PTPRN2: variants seen among roughly 807,000 people sequenced by gnomAD.
PTPRN2 encodes receptor-type tyrosine-protein phosphatase N2.
In PTPRN2, 74 loss-of-function variants were observed where a neutral mutation model predicts 118.8. The observed-to-expected ratio is 0.62, with a 90% CI of 0.52 to 0.76. The LOEUF is 0.76. Ranked by LOEUF, PTPRN2 falls within the 30% of genes least tolerant of loss-of-function variation. The pLI, the probability that PTPRN2 is intolerant of heterozygous loss-of-function variation, is 0.00. For synonymous variants in PTPRN2, 641 were observed against 608.0 expected (o/e 1.05, Z -0.80); for missense variants, 1,481 against 1,394.4 (o/e 1.06, Z -0.99).
intron 3 of PTPRN2, among the ~76,000 whole-genome samples, chr7:158,273,409 CGCAG>C (rs1563072495): frequency 7.3e-6 from 1 of 137,448 alleles, no homozygotes; most frequent in Non-Finnish European, 1.6e-5. Context: ...CGGGAGGAGC[CGCAG>C]ACAGACGCGG....
chr7:158,133,591 G>T, intron 9 of PTPRN2, 86 bp downstream of exon 9: 1 of 1,486,644 alleles, frequency 6.7e-7, no homozygotes, highest in South Asian at 1.4e-5. Flanking sequence ...GTATGCATCC[G>T]CCACAGCAAG....
At chr7:158,377,739 C>G (rs75366508) in intron 2 of PTPRN2, among the ~76,000 whole-genome samples, 11,241 of 152,292 alleles carry the variant, frequency 0.074, 507 homozygotes, top group East Asian at 0.19. Context: ...ATGTCCGCAG[C>G]TGGAGAGCTG....
intron 2 of PTPRN2, among the ~76,000 whole-genome samples, chr7:158,365,836 G>GCACACA (rs112947057): frequency 2.7e-4 from 4 of 14,756 alleles, no homozygotes; most frequent in Non-Finnish European, 3.7e-4. Flanking sequence ...GTGCATGCGT[G>GCACACA]CACACACACA....
At chr7:157,584,646 G>GCGC (rs1190110315) in intron 17 of PTPRN2, among the ~76,000 whole-genome samples, 2 of 152,340 alleles carry the variant, frequency 1.3e-5, no homozygotes, top group African/African-American at 4.8e-5. Flanking sequence ...CATTTCTGTT[G>GCGC]TGAGCGTCCT....
intron 11 of PTPRN2, among the ~76,000 whole-genome samples, chr7:158,004,290 A>T (rs1805494624): frequency 6.6e-6 from 1 of 152,186 alleles, no homozygotes; most frequent in South Asian, 2.1e-4. Flanking sequence ...GTGTGGCCCC[A>T]GGACTCAGAG....
At chr7:157,864,008 TG>T (rs1810437488) in intron 12 of PTPRN2, 1 of 152,268 alleles carries the variant, frequency 6.6e-6, no homozygotes, top group South Asian at 2.1e-4. Flanking sequence ...AAACGCTCTC[TG>T]CATGTGTGAT....
Position 158,495,740 on chromosome 7 carries a change from G to C in PTPRN2, c.113-5955C>G, listed in dbSNP as rs527920278. Among the ~76,000 whole-genome samples the C allele has an allele frequency of 2.4e-4, 36 of 152,310 alleles. No individual in the cohort carries two copies. In the East Asian group the frequency reaches 6.7e-3, roughly 29 times the overall value. On this transcript the variant is annotated intron_variant, in intron 1 of 22. Coordinates refer to ENST00000389418, the MANE Select transcript of PTPRN2 (RefSeq NM_002847.5). The stretch of plus-strand genomic sequence containing the variant: ...TTCTAGGAATCAGCCTGAAAAGTGA[G>C]AGATTAAAGCGCCTCAGCCCGGAGG...
At chr7:157,842,125 G>A (rs1250625308) in intron 12 of PTPRN2, among the ~76,000 whole-genome samples, 1 of 152,094 alleles carries the variant, frequency 6.6e-6, no homozygotes, top group Non-Finnish European at 1.5e-5. Context: ...TAACAGGAAG[G>A]TCCCCAACCC....
rs371464749 is a variant in PTPRN2 at position 158,424,137 on chromosome 7, G to C, written c.163+65598C>G. 6.2e-4 allele frequency among the ~76,000 whole-genome samples: 94 copies of C among 152,258 alleles called. 2 individuals are homozygous for C. The South Asian group carries it at 0.019, about 30-fold the overall frequency. On this transcript the variant is annotated intron_variant, in intron 2 of 22. Transcript: ENST00000389418. Reference sequence around the variant, plus strand: ...GGGTGGACACAGGCTTACGTGTGGCGCAGGAGTGCTCTGTGACGTACACAA... The same window carrying C: ...GGGTGGACACAGGCTTACGTGTGGCCCAGGAGTGCTCTGTGACGTACACAA...
At chr7:157,683,657 C>A (rs1797019676) in intron 12 of PTPRN2, among the ~76,000 whole-genome samples, 1 of 152,150 alleles carries the variant, frequency 6.6e-6, no homozygotes, top group Non-Finnish European at 1.5e-5. Context: ...CCTTCAGATT[C>A]TCACTGCTTC....
intron 6 of PTPRN2, among the ~76,000 whole-genome samples, chr7:158,142,996 C>T (rs1389478839): frequency 1.3e-5 from 2 of 152,218 alleles, no homozygotes; most frequent in Non-Finnish European, 2.9e-5. Context: ...ATCAGAAGAG[C>T]CATCTCAGCC....
intron 11 of PTPRN2, among the ~76,000 whole-genome samples, chr7:158,072,115 G>A (rs1811981855): frequency 1.4e-5 from 2 of 145,394 alleles, no homozygotes; most frequent in Non-Finnish European, 3.1e-5. Flanking sequence ...GGTGCTCATG[G>A]TGGTGGAGGT....
At chr7:158,085,653 T>C (rs1585386963) in intron 10 of PTPRN2, among the ~76,000 whole-genome samples, 1 of 73,122 alleles carries the variant, frequency 1.4e-5, no homozygotes, top group Non-Finnish European at 2.6e-5. Flanking sequence ...CAGATACCCA[T>C]CCACACCCAC....
intron 2 of PTPRN2, among the ~76,000 whole-genome samples, chr7:158,430,794 T>A (rs1189887856): frequency 6.6e-6 from 1 of 152,166 alleles, no homozygotes; most frequent in Admixed American, 6.5e-5. Flanking sequence ...ACCCCCGCTA[T>A]GAGAGAAACA....
At chr7:157,638,240 C>T (rs997289938) in intron 14 of PTPRN2, among the ~76,000 whole-genome samples, 4 of 152,056 alleles carry the variant, frequency 2.6e-5, no homozygotes, top group Non-Finnish European at 5.9e-5. Flanking sequence ...AGTCTATGTG[C>T]GAGACAAAGT....
Position 157,637,431 on chromosome 7 carries a change from C to T in PTPRN2, c.2197-15922G>A, listed in dbSNP as rs192006200. Among the ~76,000 whole-genome samples the T allele has an allele frequency of 3.3e-3, 507 of 152,298 alleles. 4 individuals are homozygous for T. The highest frequency in any genetic ancestry group is 0.012 in the African/African-American group (495 of 41,554). On this transcript the variant is annotated intron_variant, in intron 14 of 22. Coordinates refer to ENST00000389418, the MANE Select transcript of PTPRN2 (RefSeq NM_002847.5). ...GCCCTGGGTGGGGGAATCGGGGTGG[C>T]TCAGCAGCAACATCCACACCAGCCT...
intron 3 of PTPRN2, among the ~76,000 whole-genome samples, chr7:158,249,314 A>G (rs1346906332): frequency 6.7e-6 from 1 of 148,468 alleles, no homozygotes; most frequent in Non-Finnish European, 1.5e-5. Flanking sequence ...TATCTACCAC[A>G]CCTGCATGCA....
chr7:158,341,413 G>C (rs1261181838), intron 2 of PTPRN2, among the ~76,000 whole-genome samples: 7 of 138,372 alleles, frequency 5.1e-5, no homozygotes, highest in South Asian at 2.3e-4. Flanking sequence ...GTCGCCCGCA[G>C]AGGTCACTCA....
intron 3 of PTPRN2, among the ~76,000 whole-genome samples, chr7:158,278,604 G>T (rs1260749392): frequency 6.6e-6 from 1 of 152,256 alleles, no homozygotes; most frequent in African/African-American, 2.4e-5. Flanking sequence ...GACATGTTGT[G>T]TCCGGAATTG....
Sources: allele counts gnomAD v4.1 joint callset (sites outside exome capture counted in the v4.1 genomes callset), GRCh38; gene constraint gnomAD v4.1.1; transcripts MANE v1.5; gene names NCBI Gene and HGNC (gene_info 2026-07-23, HGNC 2026-07-21).